Variants in CMTM7 observed in about 807,000 individuals in gnomAD.
CMTM7 encodes the protein CKLF-like MARVEL transmembrane domain-containing protein 7.
CMTM7 carries 7 observed loss-of-function variants against 19.3 expected under a neutral mutation model. That is an observed-to-expected ratio of 0.36 (90% CI 0.21 to 0.68). The LOEUF (loss-of-function observed/expected upper bound fraction) is 0.68. Ranked by LOEUF, CMTM7 falls within the 30% of genes least tolerant of loss-of-function variation. The probability of loss-of-function intolerance (pLI) is 0.60; values close to 1 mark genes in which losing one functional copy is unlikely to be tolerated. For synonymous variants in CMTM7, 87 were observed against 99.3 expected, an observed-to-expected ratio of 0.88 and a Z score of 0.74; for missense variants, 193 against 232.6, an observed-to-expected ratio of 0.83 and a Z score of 1.11.
At chr3:32,395,865 G>A (rs1396225394) in intron 1 of CMTM7, among the ~76,000 whole-genome samples, 1 of 152,116 alleles carries the variant, frequency 6.6e-6, no homozygotes, top group Admixed American at 6.5e-5. Context: ...ACCAGAAAAT[G>A]AAAACAACAC....
At position 32,429,600 on chromosome 3, in the gene CMTM7, T is replaced by A. The variant is rs1404589046; in HGVS notation, c.160-12240T>A. ...GCCATCACGGCTGGCTGGAGCAGTGTATTTTTTTTTTTTTTTTTGAGACGG... is the reference window on the plus strand; with the variant it reads ...GCCATCACGGCTGGCTGGAGCAGTGAATTTTTTTTTTTTTTTTTGAGACGG... On this transcript the variant is annotated intron_variant, in intron 1 of 4. Coordinates refer to ENST00000334983, the MANE Select transcript of CMTM7 (RefSeq NM_138410.4). Among the ~76,000 whole-genome samples the A allele has an allele frequency of 8.7e-4, 124 of 141,850 alleles. 1 individual carries two copies. Among genetic ancestry groups the A allele is most frequent in the African/African-American group, 2.9e-3 (114 of 39,338 alleles). The allele number at this position is 141,850 out of a possible 152,430, so 93.1% of individuals were successfully genotyped here.
chr3:32,395,005 T>C (rs1695894731), intron 1 of CMTM7, among the ~76,000 whole-genome samples: 1 of 151,780 alleles, frequency 6.6e-6, no homozygotes, highest in Non-Finnish European at 1.5e-5. Context: ...TAAATGACTT[T>C]TTTTTTTTTG....
intron 1 of CMTM7, among the ~76,000 whole-genome samples, chr3:32,402,256 C>T (rs545768723): frequency 7.4e-4 from 113 of 152,150 alleles, no homozygotes; most frequent in South Asian, 2.7e-3. Context: ...GGGCTACAGG[C>T]GCGCGCCACC....
rs1416635465 is a variant in CMTM7 at position 32,454,249 on chromosome 3, G to A, written c.523G>A (p.Val175Ile). The A allele has an allele frequency of 5.6e-6, 9 of 1,604,608 alleles. No individual in the cohort carries two copies. Among genetic ancestry groups the A allele is most frequent in the African/African-American group, 2.7e-5 (2 of 74,670 alleles). The change falls in exon 5 of 5, where the codon GTC becomes ATC. Residue 175 changes from valine (V) to isoleucine (I), a missense_variant. Transcript: ENST00000334983. ...GCCATTTCCTTCCCAAGATGCAGCC[G>A]TCTGATGAGGCCACAACCCCTAGGC... ...SCVTQSTDAA[V>I]
chr3:32,397,516 C>T (rs551294069), intron 1 of CMTM7, among the ~76,000 whole-genome samples: 51 of 152,078 alleles, frequency 3.4e-4, no homozygotes, highest in African/African-American at 1.1e-3. Flanking sequence ...GGGCGGATCA[C>T]GAGGTCAGGA....
chr3:32,429,597 G>T (rs1467944788), intron 1 of CMTM7, among the ~76,000 whole-genome samples: 1 of 147,112 alleles, frequency 6.8e-6, no homozygotes, highest in African/African-American at 2.5e-5. Flanking sequence ...GGCTGGAGCA[G>T]TGTATTTTTT....
intron 1 of CMTM7, among the ~76,000 whole-genome samples, chr3:32,411,990 A>G (rs912910716): frequency 5.3e-5 from 8 of 152,206 alleles, no homozygotes; most frequent in East Asian, 1.9e-4. Context: ...AGTTGGGAGA[A>G]AAAGTACAAG....
chr3:32,450,425 C>T (rs1233291308), intron 3 of CMTM7, among the ~76,000 whole-genome samples: 1 of 152,178 alleles, frequency 6.6e-6, no homozygotes, highest in Non-Finnish European at 1.5e-5. Context: ...AAGAAAAGCT[C>T]TCTCTGTATG....
rs116609097 is a variant in CMTM7 at position 32,395,081 on chromosome 3, T to C, written c.159+3016T>C. Among the ~76,000 whole-genome samples the C allele has an allele frequency of 3.4e-3, 520 of 151,572 alleles. 2 individuals are homozygous for C. Among genetic ancestry groups the C allele is most frequent in the African/African-American group, 0.012 (494 of 41,292 alleles). On this transcript the variant is annotated intron_variant, in intron 1 of 4. Transcript: ENST00000334983. ...GGACAGTGGTGTTATCATGGCTTAC[T>C]GCAGCCTTAACCTCCTGGGCTCGGC...
At chr3:32,452,112 A>T in intron 3 of CMTM7, 1 of 1,446,736 alleles carries the variant, frequency 6.9e-7, no homozygotes, top group Non-Finnish European at 9.2e-7. Context: ...TGTAAATGTA[A>T]ACCCAGACCA....
intron 1 of CMTM7, among the ~76,000 whole-genome samples, chr3:32,408,257 C>T (rs1696118083): frequency 6.6e-6 from 1 of 152,172 alleles, no homozygotes; most frequent in Admixed American, 6.6e-5. Context: ...TTGTTCTAAG[C>T]CACCAAATCT....
chr3:32,397,656 C>T (rs1240567740), intron 1 of CMTM7, among the ~76,000 whole-genome samples: 2 of 152,012 alleles, frequency 1.3e-5, no homozygotes, highest in African/African-American at 2.4e-5. Flanking sequence ...ATCTCTTGAA[C>T]CCGGGAGGCA....
chr3:32,413,903 C>G (rs1357875496), intron 1 of CMTM7, among the ~76,000 whole-genome samples: 1 of 152,152 alleles, frequency 6.6e-6, no homozygotes, highest in Non-Finnish European at 1.5e-5. Context: ...AGTCCCTCCC[C>G]ACAAATTGAT....
chr3:32,441,027 C>T (rs1696668397), intron 1 of CMTM7, among the ~76,000 whole-genome samples: 1 of 152,216 alleles, frequency 6.6e-6, no homozygotes, highest in East Asian at 1.9e-4. Context: ...TCTTAGTGAG[C>T]TCTCACCACA....
intron 2 of CMTM7, among the ~76,000 whole-genome samples, chr3:32,446,371 C>G (rs1696753417): frequency 6.6e-6 from 1 of 152,068 alleles, no homozygotes; most frequent in Admixed American, 6.5e-5. Context: ...TTTGCATCTT[C>G]TCTCTCTCTT....
chr3:32,416,773 T>C (rs1029992906), intron 1 of CMTM7, among the ~76,000 whole-genome samples: 1 of 152,124 alleles, frequency 6.6e-6, no homozygotes, highest in East Asian at 1.9e-4. Context: ...TGTTGGGGGC[T>C]GTGGTATTGC....
At chr3:32,417,923 G>A (rs1423260863) in intron 1 of CMTM7, among the ~76,000 whole-genome samples, 1 of 152,136 alleles carries the variant, frequency 6.6e-6, no homozygotes, top group Non-Finnish European at 1.5e-5. Flanking sequence ...CTGGGTTCAA[G>A]CAATCCTCCC....
chr3:32,421,725 A>G (rs888843562), intron 1 of CMTM7, among the ~76,000 whole-genome samples: 18 of 152,202 alleles, frequency 1.2e-4, no homozygotes, highest in Admixed American at 2.6e-4. Flanking sequence ...CACTGCACTT[A>G]GAGGAATCAT....
chr3:32,412,813 A>G (rs1415332814), intron 1 of CMTM7, among the ~76,000 whole-genome samples: 1 of 152,110 alleles, frequency 6.6e-6, no homozygotes, highest in Non-Finnish European at 1.5e-5. Flanking sequence ...ACAATAATAG[A>G]TTCTGCTTTG....
Sources: allele counts gnomAD v4.1 joint callset (sites outside exome capture counted in the v4.1 genomes callset), GRCh38; gene constraint gnomAD v4.1.1; transcripts MANE v1.5; gene names NCBI Gene and HGNC (gene_info 2026-07-23, HGNC 2026-07-21).